The following SLC39A10 variants were observed in gnomAD, a reference collection of about 807,000 sequenced individuals.
SLC39A10 encodes solute carrier family 39 member 10, also known as zinc transporter ZIP10.
SLC39A10 carries 13 observed loss-of-function variants against 65.1 expected under a neutral mutation model. That is an observed-to-expected ratio of 0.20 (90% CI 0.13 to 0.32). The LOEUF is 0.32. Ranked by LOEUF, SLC39A10 falls within the 10% of genes least tolerant of loss-of-function variation. The probability of loss-of-function intolerance (pLI) is 1.00; values close to 1 mark genes in which losing one functional copy is unlikely to be tolerated. For missense variants in SLC39A10, 831 were observed against 1,018.4 expected, an observed-to-expected ratio of 0.82 and a Z score of 2.50; for synonymous variants, 321 against 342.2, an observed-to-expected ratio of 0.94 and a Z score of 0.68.
chr2:195,719,674 G>A (rs1336083744), intron 8 of SLC39A10, among the ~76,000 whole-genome samples: 1 of 151,112 alleles, frequency 6.6e-6, no homozygotes, highest in African/African-American at 2.4e-5. Context: ...CTGGAGTGCA[G>A]TGGCATGATC....
At chr2:195,697,136 G>A (rs1574283971) in intron 3 of SLC39A10, among the ~76,000 whole-genome samples, 1 of 152,192 alleles carries the variant, frequency 6.6e-6, no homozygotes, top group Non-Finnish European at 1.5e-5. Flanking sequence ...AAATATCCAT[G>A]TATTAAGTGG....
At chr2:195,727,756 A>C (rs1396576835) in intron 8 of SLC39A10, among the ~76,000 whole-genome samples, 1 of 152,082 alleles carries the variant, frequency 6.6e-6, no homozygotes, top group African/African-American at 2.4e-5. Flanking sequence ...AGTTCTTTGA[A>C]TTTTAACATA....
At chr2:195,724,858 A>G (rs537568359) in intron 8 of SLC39A10, among the ~76,000 whole-genome samples, 1 of 152,294 alleles carries the variant, frequency 6.6e-6, no homozygotes, top group East Asian at 1.9e-4. Context: ...GAATTTTGCA[A>G]AAGGGCAGCA....
At position 195,736,078 on chromosome 2, in the gene SLC39A10, T is replaced by G. The variant is rs1692593250; in HGVS notation, c.*1037T>G. 2 of 152,740 alleles carry G rather than the reference T, an allele frequency of 1.3e-5. No homozygotes were observed. Among genetic ancestry groups the G allele is most frequent in the Middle Eastern group, 3.4e-3 (1 of 294 alleles). 9.5% of individuals were successfully genotyped at this position (152,740 alleles called of 1,614,324 possible). On this transcript the variant is annotated 3_prime_UTR_variant, in exon 10 of 10. Transcript: ENST00000359634. ...AAATCGAAGTTTACCATGTCTGTAA[T>G]GTGTACATGAAGTGTCAATTTAGAA...
At chr2:195,706,174 T>TCCCC (rs1691390130) in intron 3 of SLC39A10, among the ~76,000 whole-genome samples, 1 of 152,134 alleles carries the variant, frequency 6.6e-6, no homozygotes, top group African/African-American at 2.4e-5. Context: ...AAACTCTGTA[T>TCCCC]TAGAAAGATT....
At chr2:195,668,066 T>G (rs1383665013) in intron 1 of SLC39A10, among the ~76,000 whole-genome samples, 1 of 152,208 alleles carries the variant, frequency 6.6e-6, no homozygotes, top group African/African-American at 2.4e-5. Context: ...CAGAGTCAGA[T>G]CTCTAACATC....
chr2:195,706,869 A>T, intron 4 of SLC39A10, 84 bp downstream of exon 4: 1 of 900,332 alleles, frequency 1.1e-6, no homozygotes, highest in Non-Finnish European at 1.5e-6. Context: ...GCTATAGCAC[A>T]GTAATCTAGT....
intron 2 of SLC39A10, among the ~76,000 whole-genome samples, chr2:195,634,367 C>T (rs186519146): frequency 1.7e-3 from 258 of 152,248 alleles, no homozygotes; most frequent in African/African-American, 5.9e-3. Flanking sequence ...ATATTCTCAT[C>T]CCCTTAAGTG....
At chr2:195,714,594 G>T (rs1357433486) in intron 6 of SLC39A10, among the ~76,000 whole-genome samples, 2 of 152,072 alleles carry the variant, frequency 1.3e-5, no homozygotes, top group African/African-American at 4.8e-5. Context: ...TCAAAAAATA[G>T]TGTGGAAAAA....
At chr2:195,658,300 C>T (rs10184926) in intron 1 of SLC39A10, 1 of 152,198 alleles carries the variant, frequency 6.6e-6, no homozygotes, top group Non-Finnish European at 1.5e-5. Context: ...TACTAAGGAT[C>T]TGGCACGAGG....
chr2:195,684,052 T>C, intron 3 of SLC39A10, 146 bp downstream of exon 3: 1 of 618,534 alleles, frequency 1.6e-6, no homozygotes, highest in South Asian at 2.4e-5. Context: ...TAGATATGCA[T>C]ATTTAAAAGA....
intron 2 of SLC39A10, 67 bp downstream of exon 2, chr2:195,681,117 C>T (rs549768932): frequency 6.9e-7 from 1 of 1,457,380 alleles, no homozygotes; most frequent in East Asian, 2.3e-5. Flanking sequence ...ATTTTAAAAA[C>T]AGGATAAGTA....
intron 1 of SLC39A10, among the ~76,000 whole-genome samples, chr2:195,665,341 G>A (rs534257171): frequency 6.6e-6 from 1 of 152,300 alleles, no homozygotes; most frequent in South Asian, 2.1e-4. Context: ...AAAATTAGCT[G>A]GGTGTGGTGC....
chr2:195,616,375 C>A (rs1052229219), intron 2 of SLC39A10, among the ~76,000 whole-genome samples: 9 of 151,806 alleles, frequency 5.9e-5, no homozygotes, highest in Non-Finnish European at 1.2e-4. Flanking sequence ...GACGCAATTT[C>A]GGCTCACTGC....
At chr2:195,691,171 A>G (rs188417990) in intron 3 of SLC39A10, among the ~76,000 whole-genome samples, 8 of 152,322 alleles carry the variant, frequency 5.3e-5, no homozygotes, top group African/African-American at 1.7e-4. Flanking sequence ...GTTTCTGCAA[A>G]TGCCATTGTT....
At position 195,680,763 on chromosome 2, in the gene SLC39A10, A is replaced by G. The variant is rs747245640; in HGVS notation, c.721A>G (p.Asn241Asp). The G allele has an allele frequency of 6.2e-7, 1 of 1,614,182 alleles. No individual in the cohort carries two copies. The highest frequency in any genetic ancestry group is 1.7e-5 in the Admixed American group (1 of 60,014). The change falls in exon 2 of 10, where the codon AAT (asparagine) becomes GAT (aspartate). Residue 241 changes from asparagine to aspartate, a missense_variant. Coordinates refer to ENST00000359634, the MANE Select transcript of SLC39A10 (RefSeq NM_020342.3). ...GAGGAAGAAAAAAGGGAGGAAAAGT[A>G]ATGAAAATTCTGAGGTTATTACACC... ...GKRKKKGRKS[N>D]ENSEVITPGF...
intron 2 of SLC39A10, among the ~76,000 whole-genome samples, chr2:195,644,314 T>C (rs1688866355): frequency 6.7e-6 from 1 of 149,624 alleles, no homozygotes; most frequent in African/African-American, 2.5e-5. Flanking sequence ...CTGAACAACA[T>C]AGCAAGACCC....
At chr2:195,616,979 C>T (rs1688229624) in intron 2 of SLC39A10, among the ~76,000 whole-genome samples, 1 of 152,156 alleles carries the variant, frequency 6.6e-6, no homozygotes, top group Non-Finnish European at 1.5e-5. Context: ...TTGTTAGTTG[C>T]TGGCCTATCA....
At chr2:195,716,069 A>C (rs1691796316) in intron 6 of SLC39A10, among the ~76,000 whole-genome samples, 1 of 152,250 alleles carries the variant, frequency 6.6e-6, no homozygotes, top group South Asian at 2.1e-4. Flanking sequence ...ATGCCTGTAC[A>C]TTTCAGCATA....
Sources: allele counts gnomAD v4.1 joint callset (sites outside exome capture counted in the v4.1 genomes callset), GRCh38; gene constraint gnomAD v4.1.1; transcripts MANE v1.5; gene names NCBI Gene and HGNC (gene_info 2026-07-23, HGNC 2026-07-21).